Variants in PPP3CA observed in about 807,000 individuals in gnomAD.
The protein encoded by PPP3CA is CAM-PRP catalytic subunit.
A neutral mutation model predicts 66.5 loss-of-function variants in PPP3CA; 14 were observed. The observed-to-expected ratio is 0.21, with a 90% CI of 0.14 to 0.33. PPP3CA has a LOEUF of 0.33. Ranked by LOEUF, PPP3CA falls within the 10% of genes least tolerant of loss-of-function variation. The probability of loss-of-function intolerance (pLI) is 1.00; values close to 1 mark genes in which losing one functional copy is unlikely to be tolerated. For synonymous variants in PPP3CA, 232 were observed against 226.2 expected, an observed-to-expected ratio of 1.03 and a Z score of -0.23; for missense variants, 317 against 639.5, an observed-to-expected ratio of 0.50 and a Z score of 5.44.
At chr4:101,331,628 T>C (rs548422817) in intron 1 of PPP3CA, among the ~76,000 whole-genome samples, 2 of 152,304 alleles carry the variant, frequency 1.3e-5, no homozygotes, top group South Asian at 2.1e-4. Context: ...AAGTGTTCCA[T>C]GCAGAGGTAA....
chr4:101,061,160 C>A lies in PPP3CA; in HGVS notation c.1083G>T (p.Val361=). 1.2e-6 allele frequency: 2 copies of A among 1,611,056 alleles called. No individual in the cohort carries two copies. Among genetic ancestry groups the A allele is most frequent in the South Asian group, 2.2e-5 (2 of 90,990 alleles). The part of the protein sequence containing the change: ...TWSLPFVGEK[V]TEMLVNVLNI... The stretch of plus-strand genomic sequence containing the variant: ...TGAGGACATTTACCAGCATCTCAGT[C>A]ACTAAAGAGAGAAAGCAAAGAAAGA... Residue 361 remains valine, a splice_region_variant and synonymous_variant, in exon 10 of 14, where the codon GTG becomes GTT. Transcript: ENST00000394854.
chr4:101,128,726 G>A (rs1173747963), intron 2 of PPP3CA, among the ~76,000 whole-genome samples: 4 of 152,052 alleles, frequency 2.6e-5, no homozygotes, highest in South Asian at 2.1e-4. Context: ...CAGATACTAC[G>A]CTTTCCCCAC....
At chr4:101,238,447 G>T (rs1052982304) in intron 1 of PPP3CA, among the ~76,000 whole-genome samples, 3 of 151,558 alleles carry the variant, frequency 2.0e-5, no homozygotes, top group Non-Finnish European at 4.4e-5. Flanking sequence ...AGCAGTTTAT[G>T]AATTCTTTAG....
chr4:101,105,777 A>C (rs1730639528), intron 3 of PPP3CA, among the ~76,000 whole-genome samples: 1 of 152,130 alleles, frequency 6.6e-6, no homozygotes, highest in Non-Finnish European at 1.5e-5. Context: ...GAAAGATAGG[A>C]AGTTGTGAAA....
At chr4:101,309,253 C>T (rs963787718) in intron 1 of PPP3CA, among the ~76,000 whole-genome samples, 2 of 152,108 alleles carry the variant, frequency 1.3e-5, no homozygotes, top group African/African-American at 2.4e-5. Context: ...GGAAACAAAA[C>T]GATACTACAC....
At chr4:101,201,198 G>C (rs1425956627) in intron 1 of PPP3CA, among the ~76,000 whole-genome samples, 1 of 151,956 alleles carries the variant, frequency 6.6e-6, no homozygotes, top group Non-Finnish European at 1.5e-5. Context: ...TGCTTATCTA[G>C]CTTTCTTTTA....
At chr4:101,307,265 G>A (rs370199925) in intron 1 of PPP3CA, among the ~76,000 whole-genome samples, 8 of 151,382 alleles carry the variant, frequency 5.3e-5, no homozygotes, top group South Asian at 2.1e-4. Context: ...GGTAAGATAT[G>A]TTTGCCCTAG....
intron 1 of PPP3CA, among the ~76,000 whole-genome samples, chr4:101,332,701 A>G (rs1292682823): frequency 2.0e-5 from 3 of 152,384 alleles, no homozygotes; most frequent in Middle Eastern, 3.4e-3. Context: ...GACATTTTAC[A>G]TAATATTCCT....
At chr4:101,317,345 A>C (rs1035022028) in intron 1 of PPP3CA, among the ~76,000 whole-genome samples, 3 of 151,952 alleles carry the variant, frequency 2.0e-5, no homozygotes, top group African/African-American at 7.3e-5. Context: ...CTAATAATTC[A>C]ATCTATTCAT....
chr4:101,110,664 T>C (rs937881102), intron 2 of PPP3CA, among the ~76,000 whole-genome samples: 3 of 152,220 alleles, frequency 2.0e-5, no homozygotes, highest in Non-Finnish European at 4.4e-5. Context: ...TAAAACATAG[T>C]TTATAAATAA....
intron 1 of PPP3CA, among the ~76,000 whole-genome samples, chr4:101,295,328 A>G (rs990367967): frequency 6.2e-4 from 94 of 151,080 alleles, no homozygotes; most frequent in South Asian, 1.2e-3. Context: ...AAAAAAAAAA[A>G]AAAGAAAGTA....
chr4:101,085,610 A>G (rs1057199514), intron 6 of PPP3CA, among the ~76,000 whole-genome samples: 3 of 152,186 alleles, frequency 2.0e-5, no homozygotes, highest in Non-Finnish European at 4.4e-5. Context: ...AACATATGCC[A>G]TCATATACTC....
intron 12 of PPP3CA, 25 bp downstream of exon 12, chr4:101,032,242 C>A: frequency 6.5e-7 from 1 of 1,541,190 alleles, no homozygotes. Context: ...CCCCAGCACA[C>A]AGTCATACCC....
chr4:101,160,155 T>G (rs1323136700), intron 2 of PPP3CA, among the ~76,000 whole-genome samples: 1 of 151,968 alleles, frequency 6.6e-6, no homozygotes, highest in Admixed American at 6.6e-5. Context: ...TATCTTGAAC[T>G]GCATGTGCCA....
At chr4:101,260,773 T>C (rs932384553) in intron 1 of PPP3CA, among the ~76,000 whole-genome samples, 5 of 152,116 alleles carry the variant, frequency 3.3e-5, no homozygotes, top group African/African-American at 4.8e-5. Context: ...TCTCAGTCAT[T>C]ATCATCAGGT....
At chr4:101,115,265 C>T (rs1477285639) in intron 2 of PPP3CA, among the ~76,000 whole-genome samples, 1 of 151,864 alleles carries the variant, frequency 6.6e-6, no homozygotes, top group African/African-American at 2.4e-5. Context: ...AAGATAATAG[C>T]CAGCATATTG....
At chr4:101,334,845 T>C (rs1418850770) in intron 1 of PPP3CA, among the ~76,000 whole-genome samples, 1 of 152,146 alleles carries the variant, frequency 6.6e-6, no homozygotes, top group Non-Finnish European at 1.5e-5. Context: ...CATTCACTTC[T>C]ACGAAACACT....
At chr4:101,124,747 G>GAA (rs1252885699) in intron 2 of PPP3CA, among the ~76,000 whole-genome samples, 16 of 114,116 alleles carry the variant, frequency 1.4e-4, no homozygotes, top group African/African-American at 6.0e-4. Flanking sequence ...AAGAAAGAAA[G>GAA]AAAGAAAGAA....
intron 1 of PPP3CA, among the ~76,000 whole-genome samples, chr4:101,289,865 CGTGTATGTGTGT>C (rs1290022929): frequency 2.5e-4 from 30 of 118,050 alleles, no homozygotes; most frequent in African/African-American, 1.1e-3. Flanking sequence ...CCAAAATGTC[CGTGTATGTGTGT>C]GTGTGTGTGT....
Sources: allele counts gnomAD v4.1 joint callset (sites outside exome capture counted in the v4.1 genomes callset), GRCh38; gene constraint gnomAD v4.1.1; transcripts MANE v1.5; gene names NCBI Gene and HGNC (gene_info 2026-07-23, HGNC 2026-07-21).